MTHFD1L: variants seen among roughly 807,000 people sequenced by gnomAD.
The protein encoded by MTHFD1L is monofunctional C1-tetrahydrofolate synthase, mitochondrial.
Under a neutral mutation model 119.5 loss-of-function variants are expected in MTHFD1L, and 81 were observed. The ratio of observed to expected loss-of-function variants is 0.68; its 90% CI spans 0.57 to 0.82. The LOEUF (loss-of-function observed/expected upper bound fraction) is 0.82, where lower values mean the gene tolerates loss of function less well. Among genes scored for constraint, MTHFD1L ranks in the 40% least tolerant of loss-of-function variants. MTHFD1L has a pLI of 0.00. For synonymous variants in MTHFD1L, 430 were observed against 475.2 expected, an observed-to-expected ratio of 0.90 and a Z score of 1.24; for missense variants, 1,125 against 1,253.4, an observed-to-expected ratio of 0.90 and a Z score of 1.55.
intron 26 of MTHFD1L, among the ~76,000 whole-genome samples, chr6:151,083,920 A>G (rs118051974): frequency 0.033 from 4,952 of 152,306 alleles, 166 homozygotes; most frequent in Admixed American, 0.11. Flanking sequence ...TAATGTAAAT[A>G]ACAATAACCC....
chr6:151,011,110 A>C (rs1041841629), intron 21 of MTHFD1L, among the ~76,000 whole-genome samples: 8 of 152,252 alleles, frequency 5.3e-5, no homozygotes, highest in Admixed American at 3.3e-4. Flanking sequence ...AATGAAGGGC[A>C]GAAGTTTTCT....
intron 17 of MTHFD1L, 140 bp downstream of exon 17, chr6:150,956,211 G>T: frequency 1.3e-6 from 1 of 752,006 alleles, no homozygotes; most frequent in Non-Finnish European, 2.3e-6. Flanking sequence ...GTGCTCAGCA[G>T]GGCTGGGAGA....
rs147872265 is a variant in MTHFD1L, at chr6:150,885,758, C to T, written c.643+24C>T. 3,593 of 1,522,272 alleles carry T rather than the reference C, an allele frequency of 2.4e-3. 51 individuals carry two copies. Among genetic ancestry groups the T allele is most frequent in the East Asian group, 0.021 (952 of 44,296 alleles). 94.3% of individuals were successfully genotyped at this position (1,522,272 alleles called of 1,614,324 possible). On this transcript the variant is annotated intron_variant, in intron 6 of 27. Coordinates refer to ENST00000367321, the MANE Select transcript of MTHFD1L (RefSeq NM_015440.5). ...AGGTAGGATGCTCCTTGAGAAATGCCGCTGATTTCTATTTATTGGTATTTA... is the reference window on the plus strand; with the variant it reads ...AGGTAGGATGCTCCTTGAGAAATGCTGCTGATTTCTATTTATTGGTATTTA...
At chr6:150,950,997 C>A (rs1022316405) in intron 16 of MTHFD1L, among the ~76,000 whole-genome samples, 18 of 151,144 alleles carry the variant, frequency 1.2e-4, no homozygotes, top group Non-Finnish European at 2.4e-4. Flanking sequence ...GTCTTTGTCT[C>A]CCAAACTAAA....
intron 1 of MTHFD1L, among the ~76,000 whole-genome samples, chr6:150,869,144 G>A (rs1438945531): frequency 6.6e-6 from 1 of 152,122 alleles, no homozygotes; most frequent in Non-Finnish European, 1.5e-5. Flanking sequence ...TGGCAGTATA[G>A]GGTAACCATA....
chr6:150,866,897 G>A (rs11968785), intron 1 of MTHFD1L, among the ~76,000 whole-genome samples: 17,864 of 152,200 alleles, frequency 0.12, 1,094 homozygotes, highest in Middle Eastern at 0.18. Flanking sequence ...GACAACTTGG[G>A]GGTGGCAAGA....
At chr6:150,947,996 T>C (rs1265547317) in intron 15 of MTHFD1L, among the ~76,000 whole-genome samples, 1 of 152,068 alleles carries the variant, frequency 6.6e-6, no homozygotes, top group Non-Finnish European at 1.5e-5. Flanking sequence ...AGTTTTTTTT[T>C]GTTTGTTTTT....
At chr6:151,042,234 A>G (rs1404785256) in intron 26 of MTHFD1L, among the ~76,000 whole-genome samples, 3 of 152,180 alleles carry the variant, frequency 2.0e-5, no homozygotes, top group African/African-American at 7.2e-5. Flanking sequence ...TCTTAAAATA[A>G]CTTTCTTCAT....
At chr6:150,950,486 T>C (rs947225740) in intron 16 of MTHFD1L, among the ~76,000 whole-genome samples, 20 of 152,222 alleles carry the variant, frequency 1.3e-4, no homozygotes, top group African/African-American at 4.8e-4. Context: ...CTGCGGTTTA[T>C]GGGCTGCACA....
At chr6:151,055,526 T>G (rs1173452296) in intron 26 of MTHFD1L, among the ~76,000 whole-genome samples, 3 of 150,984 alleles carry the variant, frequency 2.0e-5, no homozygotes, top group Non-Finnish European at 4.4e-5. Flanking sequence ...TGAATCTTTT[T>G]TTTTTTTTTT....
intron 26 of MTHFD1L, among the ~76,000 whole-genome samples, chr6:151,054,662 A>G (rs1235442822): frequency 3.3e-5 from 5 of 152,208 alleles, no homozygotes; most frequent in African/African-American, 9.6e-5. Flanking sequence ...TATTGAGCAC[A>G]TGAACTGACA....
chr6:151,017,830 C>CTTTTTTTTTT (rs895364993), intron 24 of MTHFD1L, among the ~76,000 whole-genome samples: 27 of 98,976 alleles, frequency 2.7e-4, no homozygotes, highest in African/African-American at 7.0e-4. Context: ...ACCGTGTTTT[C>CTTTTTTTTTT]TTTTTTTTTT....
chr6:150,906,715 C>G (rs989923448), intron 8 of MTHFD1L, among the ~76,000 whole-genome samples: 1 of 152,170 alleles, frequency 6.6e-6, no homozygotes, highest in African/African-American at 2.4e-5. Flanking sequence ...TCCTTCTCCT[C>G]CACCAGGACC....
chr6:151,038,084 A>G (rs1330777331), intron 26 of MTHFD1L, among the ~76,000 whole-genome samples: 4 of 152,224 alleles, frequency 2.6e-5, no homozygotes, highest in Admixed American at 6.5e-5. Flanking sequence ...ATTGGACACA[A>G]TGTTTTTTCA....
rs1163103180 is a variant in MTHFD1L at position 150,918,580 on chromosome 6, A to G, written c.896A>G (p.Lys299Arg). 4 of 1,612,530 alleles carry G rather than the reference A, an allele frequency of 2.5e-6. No homozygotes were observed. Among genetic ancestry groups the G allele is most frequent in the Non-Finnish European group, 3.4e-6 (4 of 1,178,626 alleles). ...TTTTCCCTCCAATTTTTTACAGGGA[A>G]GGTTGGGTGTGGCTCTCCAAGAATA... ...LNCSHDFLSG[K>R]VGCGSPRIHF... The change falls in exon 9 of 28, where the codon AAG (lysine) becomes AGG (arginine). Residue 299 changes from lysine (K) to arginine (R), a missense_variant. Transcript: ENST00000367321.
chr6:150,935,625 T>A, intron 11 of MTHFD1L: 1 of 1,258,064 alleles, frequency 7.9e-7, no homozygotes, highest in East Asian at 2.3e-5. Flanking sequence ...TTTTGACAAA[T>A]AGAAGAGTGT....
At chr6:150,973,954 A>G (rs924605127) in intron 20 of MTHFD1L, among the ~76,000 whole-genome samples, 2 of 152,226 alleles carry the variant, frequency 1.3e-5, no homozygotes, top group African/African-American at 4.8e-5. Flanking sequence ...TCAAGTGAGA[A>G]ACTGCTTTGT....
At chr6:150,924,562 C>T (rs569552333) in intron 10 of MTHFD1L, among the ~76,000 whole-genome samples, 27 of 152,158 alleles carry the variant, frequency 1.8e-4, no homozygotes, top group African/African-American at 2.4e-4. Flanking sequence ...CCTCAACCTC[C>T]GCCTCCCAGG....
chr6:151,073,642 GATATAA>G (rs1792176995), intron 26 of MTHFD1L, among the ~76,000 whole-genome samples: 6 of 151,328 alleles, frequency 4.0e-5, no homozygotes, highest in East Asian at 3.9e-4. Flanking sequence ...ATATAACAAA[GATATAA>G]ATCAAACTGA....
Sources: allele counts gnomAD v4.1 joint callset (sites outside exome capture counted in the v4.1 genomes callset), GRCh38; gene constraint gnomAD v4.1.1; transcripts MANE v1.5; gene names NCBI Gene and HGNC (gene_info 2026-07-23, HGNC 2026-07-21).